The following RANBP2 variants were observed in gnomAD, a reference collection of about 807,000 sequenced individuals.
The protein encoded by RANBP2 is E3 SUMO-protein ligase RanBP2.
Under a neutral mutation model 303.6 loss-of-function variants are expected in RANBP2, and 57 were observed. The ratio of observed to expected loss-of-function variants is 0.19; its 90% CI spans 0.15 to 0.23. The LOEUF (loss-of-function observed/expected upper bound fraction) is 0.23, where lower values mean the gene tolerates loss of function less well. Among genes scored for constraint, RANBP2 ranks in the 10% least tolerant of loss-of-function variants. The probability of loss-of-function intolerance (pLI) is 1.00; values close to 1 mark genes in which losing one functional copy is unlikely to be tolerated. For synonymous variants in RANBP2, 1,167 were observed against 1,301.5 expected, an observed-to-expected ratio of 0.90 and a Z score of 2.23; for missense variants, 3,138 against 3,780.8, an observed-to-expected ratio of 0.83 and a Z score of 4.46.
the RANBP2 span, among the ~76,000 whole-genome samples, chr2:109,690,919 C>T: frequency 6.6e-6 from 1 of 152,136 alleles, no homozygotes; most frequent in Non-Finnish European, 1.5e-5. Flanking sequence ...CTCTTCTCAG[C>T]CTAGTCCTGG....
chr2:109,613,194 GCTTA>G, the RANBP2 span: 2 of 1,287,886 alleles, frequency 1.6e-6, no homozygotes, highest in South Asian at 1.2e-5. Context: ...AAAACCGCTG[GCTTA>G]CTAACAAGCG....
chr2:109,634,564 AT>A, the RANBP2 span, among the ~76,000 whole-genome samples: 1 of 152,178 alleles, frequency 6.6e-6, no homozygotes, highest in Non-Finnish European at 1.5e-5. Context: ...AAAAATGGAG[AT>A]AGTTTGCCTC....
chr2:109,397,954 C>T, the RANBP2 span, among the ~76,000 whole-genome samples: 2 of 152,226 alleles, frequency 1.3e-5, no homozygotes, highest in Admixed American at 6.5e-5. Flanking sequence ...CCTGAGACCT[C>T]GCCAAATCAC....
the RANBP2 span, among the ~76,000 whole-genome samples, chr2:109,366,230 T>C: frequency 3.5e-3 from 529 of 152,360 alleles, 4 homozygotes; most frequent in African/African-American, 0.011. Flanking sequence ...GACATTCCAC[T>C]TTATGGGCAC....
the RANBP2 span, among the ~76,000 whole-genome samples, chr2:109,681,122 T>C: frequency 7.2e-5 from 11 of 152,356 alleles, no homozygotes; most frequent in South Asian, 1.9e-3. Context: ...GTCTTCTCGA[T>C]GCGGAGGAAT....
chr2:109,766,839 G>A, the RANBP2 span, among the ~76,000 whole-genome samples: 8 of 150,238 alleles, frequency 5.3e-5, no homozygotes, highest in African/African-American at 1.7e-4. Context: ...TGGCAAAATC[G>A]AGGCCCCGTA....
the RANBP2 span, among the ~76,000 whole-genome samples, chr2:109,270,319 C>T: frequency 3.9e-5 from 6 of 152,240 alleles, no homozygotes; most frequent in Admixed American, 1.3e-4. Flanking sequence ...GTTGGAGTGC[C>T]GGGCATGGGG....
the RANBP2 span, among the ~76,000 whole-genome samples, chr2:109,520,001 T>C: frequency 3.3e-5 from 5 of 152,184 alleles, no homozygotes; most frequent in African/African-American, 1.2e-4. Context: ...ACACGTGAGA[T>C]GAAATTACAT....
At chr2:109,348,156 G>A in the RANBP2 span, among the ~76,000 whole-genome samples, 1 of 152,196 alleles carries the variant, frequency 6.6e-6, no homozygotes, top group Non-Finnish European at 1.5e-5. Flanking sequence ...TGCTATGGAG[G>A]GCACCAGCTT....
chr2:109,554,888 C>G, the RANBP2 span, among the ~76,000 whole-genome samples: 2 of 152,136 alleles, frequency 1.3e-5, no homozygotes, highest in African/African-American at 4.8e-5. Context: ...TATGTAGAAA[C>G]TTGGAAATCC....
intron 25 of RANBP2, among the ~76,000 whole-genome samples, chr2:108,778,618 C>A (rs1400955850): frequency 6.6e-6 from 1 of 152,204 alleles, no homozygotes; most frequent in East Asian, 1.9e-4. Flanking sequence ...AATGTGTTCC[C>A]AGGGTAGAGA....
At chr2:109,676,596 G>A in the RANBP2 span, among the ~76,000 whole-genome samples, 1 of 152,186 alleles carries the variant, frequency 6.6e-6, no homozygotes, top group Non-Finnish European at 1.5e-5. Flanking sequence ...GCCACCACAG[G>A]CTGGGAAACT....
At chr2:109,663,533 A>G in the RANBP2 span, among the ~76,000 whole-genome samples, 1 of 152,314 alleles carries the variant, frequency 6.6e-6, no homozygotes, top group African/African-American at 2.4e-5. Flanking sequence ...GCATAGAGCA[A>G]GTGTCTCACA....
the RANBP2 span, among the ~76,000 whole-genome samples, chr2:109,274,244 CAT>C: frequency 1.3e-5 from 2 of 152,286 alleles, no homozygotes; most frequent in African/African-American, 2.4e-5. Context: ...TGGTCCTAAA[CAT>C]GTTATCATTT....
the RANBP2 span, among the ~76,000 whole-genome samples, chr2:109,656,533 T>G: frequency 2.0e-5 from 3 of 152,154 alleles, no homozygotes; most frequent in Non-Finnish European, 2.9e-5. Context: ...AGAGACAGGG[T>G]TTCACCATGT....
the RANBP2 span, among the ~76,000 whole-genome samples, chr2:109,257,231 A>G: frequency 3.3e-4 from 50 of 152,284 alleles, no homozygotes; most frequent in African/African-American, 1.2e-3. Flanking sequence ...TTGGAGAGGC[A>G]GCATCAAGTC....
At chr2:109,482,806 C>T in the RANBP2 span, among the ~76,000 whole-genome samples, 20 of 152,310 alleles carry the variant, frequency 1.3e-4, no homozygotes, top group African/African-American at 2.6e-4. Context: ...CACGATGCGG[C>T]GGTCACGTCT....
At chr2:108,777,442 T>C (rs1677972263) in intron 25 of RANBP2, among the ~76,000 whole-genome samples, 1 of 152,170 alleles carries the variant, frequency 6.6e-6, no homozygotes, top group African/African-American at 2.4e-5. Flanking sequence ...ATATAAGCCA[T>C]GCTGATAGTC....
the RANBP2 span, chr2:109,502,626 ACT>A: frequency 1.3e-5 from 2 of 151,536 alleles, no homozygotes; most frequent in Admixed American, 6.6e-5. Flanking sequence ...GTTTCTTTAA[ACT>A]CTTACCAAAA....
Sources: allele counts gnomAD v4.1 joint callset (sites outside exome capture counted in the v4.1 genomes callset), GRCh38; gene constraint gnomAD v4.1.1; transcripts MANE v1.5; gene names NCBI Gene and HGNC (gene_info 2026-07-23, HGNC 2026-07-21).